The following PTCH1 variants were observed in gnomAD, a reference collection of about 807,000 sequenced individuals.
The protein encoded by PTCH1 is patched 1.
A neutral mutation model predicts 144.6 loss-of-function variants in PTCH1; 14 were observed. That is an observed-to-expected ratio of 0.10 (90% CI 0.06 to 0.15). The LOEUF is 0.15. Ranked by LOEUF, PTCH1 falls within the 10% of genes least tolerant of loss-of-function variation. PTCH1 has a pLI of 1.00. For synonymous variants in PTCH1, 833 were observed against 793.6 expected (o/e 1.05, Z -0.83); for missense variants, 1,623 against 1,948.3 (o/e 0.83, Z 3.14).
At chr9:95,446,577 C>T (rs763229414) in intron 23 of PTCH1, 186 bp from the exon 24 acceptor site, 36 of 450,982 alleles carry the variant, frequency 8.0e-5, no homozygotes, top group Middle Eastern at 6.3e-4. Context: ...TACACGGATG[C>T]GTTCCCATGT....
rs375857496 is a variant in PTCH1, at chr9:95,449,130, C to T, written c.3743G>A (p.Gly1248Glu). The change falls in exon 22 of 24, where the codon GGA (glycine) becomes GAA (glutamate). Residue 1248 changes from glycine (G) to glutamate (E), a missense_variant. By Grantham distance (98) the Gly-to-Glu change is moderately conservative. Around this residue, in one of 7 missense-constraint regions of PTCH1, gnomAD observed 291 missense variants for 287.4 expected, o/e 1.01. Transcript: ENST00000331920. The surrounding 1 kb of genome is among the most constrained non-coding windows in gnomAD (Gnocchi z 5.3). ...LRHYEAQQGA[G>E]GPAHQVIVEA... is the part of the protein sequence containing the mutation. The stretch of plus-strand genomic sequence containing the variant: ...CACGATCACTTGGTGGGCAGGGCCT[C>T]CCGCGCCCTGCTGGGCCTCGTAGTG... The T allele has an allele frequency of 6.8e-6, 11 of 1,614,052 alleles. No individual in the cohort carries two copies. Among genetic ancestry groups the T allele is most frequent in the East Asian group, 2.2e-5 (1 of 44,884 alleles).
At chr9:95,459,516 A>C in intron 17 of PTCH1, 84 bp downstream of exon 17, 1 of 1,517,206 alleles carries the variant, frequency 6.6e-7, no homozygotes, top group African/African-American at 1.4e-5. Context: ...GGTAGCGTCA[A>C]CGGATGAAGG....
chr9:95,490,396 G>C (rs1442042895), intron 2 of PTCH1, among the ~76,000 whole-genome samples: 1 of 151,852 alleles, frequency 6.6e-6, no homozygotes, highest in Admixed American at 6.6e-5. Context: ...TGTGAGGATC[G>C]CTTGAGCCCA....
intron 14 of PTCH1, among the ~76,000 whole-genome samples, chr9:95,468,238 G>A (rs1178752579): frequency 6.6e-6 from 1 of 152,150 alleles, no homozygotes; most frequent in Non-Finnish European, 1.5e-5. Context: ...GCAATTTTTT[G>A]TAGAGATGGA....
At chr9:95,469,372 A>C (rs1013282362) in intron 13 of PTCH1, among the ~76,000 whole-genome samples, 3 of 152,212 alleles carry the variant, frequency 2.0e-5, no homozygotes, top group African/African-American at 7.2e-5. Context: ...AGGAGGCCAC[A>C]TGGAGGACTG....
At chr9:95,465,058 A>C (rs1839879382) in intron 15 of PTCH1, among the ~76,000 whole-genome samples, 1 of 152,168 alleles carries the variant, frequency 6.6e-6, no homozygotes, top group East Asian at 1.9e-4. Flanking sequence ...TTCACACAGC[A>C]ATCAAAACAT....
upstream of PTCH1, among the ~76,000 whole-genome samples, chr9:95,511,620 G>A (rs1035097263): frequency 1.3e-4 from 20 of 152,240 alleles, no homozygotes; most frequent in African/African-American, 4.8e-4. Flanking sequence ...CAGGCGGGCA[G>A]CATGCGAGGA....
At chr9:95,504,983 T>C (rs1261078765) in intron 2 of PTCH1, among the ~76,000 whole-genome samples, 1 of 152,248 alleles carries the variant, frequency 6.6e-6, no homozygotes, top group African/African-American at 2.4e-5. Flanking sequence ...CCAGTGATAC[T>C]GAATCGCTGA....
chr9:95,486,980 G>A (rs1842019337), intron 2 of PTCH1, among the ~76,000 whole-genome samples: 1 of 152,138 alleles, frequency 6.6e-6, no homozygotes, highest in South Asian at 2.1e-4. Context: ...CGACAGTTTA[G>A]AAAAAAACTC....
chr9:95,468,659 G>C lies in PTCH1; in HGVS notation c.2250+92C>G, dbSNP rs542644881. On this transcript the variant is annotated intron_variant, in intron 14 of 23. Coordinates refer to ENST00000331920, the MANE Select transcript of PTCH1 (RefSeq NM_000264.5). ...TAAACGAAATTTTTTTTTTTTTAAG[G>C]AAAAAGAAGAAAAGTAGAAGCAATC... 2.0e-6 allele frequency: 3 copies of C among 1,523,952 alleles called. No individual in the cohort carries two copies. In the East Asian group the frequency reaches 6.8e-5, roughly 34 times the overall value. The allele number at this position is 1,523,952 out of a possible 1,614,324, so 94.4% of individuals were successfully genotyped here. A position where few individuals can be genotyped will look rare whatever the true frequency, so the allele number is the denominator to read the frequency against.
chr9:95,475,894 G>A (rs1840989485), intron 12 of PTCH1, 140 bp downstream of exon 12: 2 of 1,366,488 alleles, frequency 1.5e-6, no homozygotes, highest in East Asian at 2.4e-5. Flanking sequence ...CATCCACCCA[G>A]TTAAACAGAG....
intron 20 of PTCH1, chr9:95,452,300 TGAAGA>T (rs1183206611): frequency 6.7e-6 from 1 of 149,254 alleles, no homozygotes; most frequent in Non-Finnish European, 1.5e-5. Flanking sequence ...TCTTTTTACT[TGAAGA>T]TAAGAAGCGT....
chr9:95,516,399 C>A, intron 1 of PTCH1: 1 of 1,225,868 alleles, frequency 8.2e-7, no homozygotes, highest in Non-Finnish European at 1.0e-6. Flanking sequence ...CCCCGTGTCC[C>A]CGCGCCGCCC....
At chr9:95,491,950 A>G (rs942548743) in intron 2 of PTCH1, among the ~76,000 whole-genome samples, 1 of 152,242 alleles carries the variant, frequency 6.6e-6, no homozygotes, top group African/African-American at 2.4e-5. Context: ...AAACTAACGC[A>G]TCGTGCATTC....
chr9:95,455,716 G>C (rs983100514), intron 19 of PTCH1, among the ~76,000 whole-genome samples: 2 of 152,216 alleles, frequency 1.3e-5, no homozygotes, highest in African/African-American at 2.4e-5. Flanking sequence ...GAGGCTGGGA[G>C]GTCTGAGGAA....
rs568528640 is a variant in PTCH1, at chr9:95,453,467, C to T, written c.3449+11G>A. 95 of 1,613,928 alleles carry T rather than the reference C, an allele frequency of 5.9e-5. No individual in the cohort carries two copies. Among genetic ancestry groups the T allele is most frequent in the East Asian group, 5.1e-4 (23 of 44,880 alleles). On this transcript the variant is annotated intron_variant, in intron 20 of 23. Coordinates refer to ENST00000331920, the MANE Select transcript of PTCH1 (RefSeq NM_000264.5). ...TTTCTAAAACATGTCTCCTTGCACA[C>T]GCCTGCTTACCTGACAATGAAGTCG...
intron 20 of PTCH1, 57 bp downstream of exon 20, chr9:95,453,421 C>T (rs1038443097): frequency 1.1e-5 from 18 of 1,609,728 alleles, no homozygotes; most frequent in Admixed American, 1.7e-5. Context: ...TGAGCCACTG[C>T]ACCCGGCCCA....
chr9:95,490,545 ACACACACACAC>A (rs1842321979), intron 2 of PTCH1, among the ~76,000 whole-genome samples: 1 of 151,808 alleles, frequency 6.6e-6, no homozygotes, highest in Admixed American at 6.6e-5. Context: ...ACACACACAC[ACACACACACAC>A]AAAAGAAAGA....
At chr9:95,516,734 A>G in exon 1 of PTCH1, 1 of 1,609,248 alleles carries the variant, frequency 6.2e-7, no homozygotes, top group Non-Finnish European at 8.5e-7. Context: ...AAGTGTAAAA[A>G]CCCCGGCGCG....
Sources: allele counts gnomAD v4.1 joint callset (sites outside exome capture counted in the v4.1 genomes callset), GRCh38; gene constraint gnomAD v4.1.1; regional missense constraint gnomAD v4.1.1; non-coding constraint Gnocchi (gnomAD v3.1); transcripts MANE v1.5; gene names NCBI Gene and HGNC (gene_info 2026-07-23, HGNC 2026-07-21).